ZNF276: variants seen among roughly 807,000 people sequenced by gnomAD.
ZNF276 encodes the protein zinc finger protein 276.
ZNF276 carries 59 observed loss-of-function variants against 63.9 expected under a neutral mutation model. That is an observed-to-expected ratio of 0.92 (90% confidence interval 0.75 to 1.15). ZNF276 has a LOEUF of 1.15. ZNF276 is among the 50% of genes most tolerant of loss of function. The probability of loss-of-function intolerance (pLI) is 0.00; values close to 1 mark genes in which losing one functional copy is unlikely to be tolerated. For synonymous variants in ZNF276, 496 were observed against 348.4 expected (o/e 1.42, Z -4.72); for missense variants, 1,084 against 843.8 (o/e 1.28, Z -3.53).
chr16:89,729,148 C>T, intron 5 of ZNF276, 87 bp from the exon 6 acceptor site: 1 of 1,026,678 alleles, frequency 9.7e-7, no homozygotes, highest in Non-Finnish European at 1.5e-6. Context: ...CATGGGGGTC[C>T]ATTTGGTATC....
upstream of ZNF276, chr16:89,720,531 G>C: frequency 8.6e-7 from 1 of 1,162,286 alleles, no homozygotes. Flanking sequence ...TGATGCACCG[G>C]CTCAGCGAGC....
chr16:89,733,361 G>T lies in ZNF276; in HGVS notation c.1229G>T (p.Arg410Leu). ...AAGAAGTCTGAAGAACCAAGAATTC[G>T]GAAGAAGCCGGGACCCAAGCCCGGA... The part of the protein sequence containing the change: ...EAKKSEEPRI[R>L]KKPGPKPGWK... The change falls in exon 7 of 11, where the codon CGG (arginine) becomes CTG (leucine). Residue 410 changes from arginine (R) to leucine (L), a missense_variant. By Grantham distance (102) the Arg-to-Leu change is moderately radical (BLOSUM62 -2). Transcript: ENST00000443381. 6.2e-7 allele frequency: 1 copy of T among 1,614,176 alleles called. No homozygotes were observed. The highest frequency in any genetic ancestry group is 8.5e-7 in the Non-Finnish European group (1 of 1,180,044).
Position 89,740,152 on chromosome 16 carries a change from G to A in ZNF276, c.*1906G>A, listed in dbSNP as rs2062092812. 5 of 1,400,918 alleles carry A rather than the reference G, an allele frequency of 3.6e-6. No homozygotes were observed. The highest frequency in any genetic ancestry group is 5.1e-6 in the Non-Finnish European group (5 of 986,810). 86.8% of individuals were successfully genotyped at this position (1,400,918 alleles called of 1,614,324 possible). ...GAATGGCCGACCTGGTGCTCCCATG[G>A]GTAGGAGGGTACAGCCCTCAGCACA... is the stretch of plus-strand genomic sequence containing the variant. On this transcript the variant is annotated 3_prime_UTR_variant, in exon 11 of 11. Coordinates refer to ENST00000443381, the MANE Select transcript of ZNF276 (RefSeq NM_001113525.2).
rs2151658897 is a variant in ZNF276 at position 89,722,658 on chromosome 16, C to T, written c.333C>T (p.Arg111=). ...ASMERPSAEE[R]VLVRDFQRLL... is the part of the protein sequence containing the mutation. ...TGGAGAGGCCATCCGCAGAGGAGCG[C>T]GTGCTCGTACGGGACTTCCAGCGCC... Residue 111 remains arginine, a synonymous_variant, in exon 2 of 11, where the codon CGC becomes CGT. Coordinates refer to ENST00000443381, the MANE Select transcript of ZNF276 (RefSeq NM_001113525.2). 4 of 1,612,286 alleles carry T rather than the reference C, an allele frequency of 2.5e-6. No homozygotes were observed. The highest frequency in any genetic ancestry group is 3.4e-6 in the Non-Finnish European group (4 of 1,180,024).
At chr16:89,727,624 G>C (rs979772657) in intron 5 of ZNF276, among the ~76,000 whole-genome samples, 1 of 152,158 alleles carries the variant, frequency 6.6e-6, no homozygotes, top group Non-Finnish European at 1.5e-5. Context: ...TCTTGTCTCT[G>C]ATTGATGGTT....
chr16:89,738,820 GC>G lies in ZNF276; in HGVS notation c.*577del. On this transcript the variant is annotated 3_prime_UTR_variant, in exon 11 of 11. Coordinates refer to ENST00000443381, the MANE Select transcript of ZNF276 (RefSeq NM_001113525.2). ...GTATTGCCAGCCAGGCAGGCACATGGCCCAGGCAGCTGTCAATTCTCATGTC... is the reference window on the plus strand; with the variant it reads ...GTATTGCCAGCCAGGCAGGCACATGGCCAGGCAGCTGTCAATTCTCATGTC... The G allele has an allele frequency of 6.2e-7, 1 of 1,614,042 alleles. No individual in the cohort carries two copies. The highest frequency in any genetic ancestry group is 8.5e-7 in the Non-Finnish European group (1 of 1,180,000).
Position 89,740,168 on chromosome 16 carries a change from C to A in ZNF276, c.*1922C>A. 1 of 1,226,458 alleles carries A rather than the reference C, an allele frequency of 8.2e-7. No homozygotes were observed. The highest frequency in any genetic ancestry group is 2.3e-5 in the East Asian group (1 of 43,050). 76.0% of individuals were successfully genotyped at this position (1,226,458 alleles called of 1,614,324 possible). On this transcript the variant is annotated 3_prime_UTR_variant, in exon 11 of 11. Transcript: ENST00000443381. ...GCTCCCATGGGTAGGAGGGTACAGCCCTCAGCACAGAAGAGGGCATTTCCT... is the reference window on the plus strand; with the variant it reads ...GCTCCCATGGGTAGGAGGGTACAGCACTCAGCACAGAAGAGGGCATTTCCT...
rs1428777578 is a variant in ZNF276 at position 89,733,529 on chromosome 16, C to T, written c.1328C>T (p.Ala443Val). ...AAGTGTCCTTACCAGGGCTGCACGG[C>T]CGTGTACCGAGGCGCTGACGGCATG... ...IYKCPYQGCT[A>V]VYRGADGMKK... The change falls in exon 8 of 11, where the codon GCC becomes GTC. Residue 443 changes from alanine (A) to valine (V), a missense_variant. Transcript: ENST00000443381. The T allele has an allele frequency of 1.1e-5, 18 of 1,614,016 alleles. No homozygotes were observed. The Admixed American group carries it at 2.7e-4, about 24-fold the overall frequency.
rs763016056 is a variant in ZNF276 at position 89,733,941 on chromosome 16, C to T, written c.1377C>T (p.His459=). 6 of 1,613,768 alleles carry T rather than the reference C, an allele frequency of 3.7e-6. No individual in the cohort carries two copies. Among genetic ancestry groups the T allele is most frequent in the African/African-American group, 1.3e-5 (1 of 74,916 alleles). ...DGMKKHIKEH[H]EEVRERPCPH... Reference sequence around the variant, plus strand: ...TTCAGAAGCACATCAAGGAGCACCACGAGGAGGTCCGGGAGCGGCCCTGCC... The same window carrying T: ...TTCAGAAGCACATCAAGGAGCACCATGAGGAGGTCCGGGAGCGGCCCTGCC... The change falls in exon 9 of 11, where the codon CAC becomes CAT. Residue 459 remains histidine, a synonymous_variant. Transcript: ENST00000443381.
In ZNF276 at chr16:89,738,924, T is replaced by A. The variant is rs752245802; in HGVS notation, c.*678T>A. 5.0e-6 allele frequency: 8 copies of A among 1,614,262 alleles called. No homozygotes were observed. The East Asian group carries it at 1.8e-4, about 36-fold the overall frequency. ...AGCTCTTTTTCGGGCACCGAGGTAT[T>A]AACTGCAGCAGAAAAAGACGAGCTT... is the stretch of plus-strand genomic sequence containing the variant. On this transcript the variant is annotated 3_prime_UTR_variant, in exon 11 of 11. Coordinates refer to ENST00000443381, the MANE Select transcript of ZNF276 (RefSeq NM_001113525.2).
Position 89,738,825 on chromosome 16 carries a change from G to C in ZNF276, c.*579G>C. 2 of 1,614,088 alleles carry C rather than the reference G, an allele frequency of 1.2e-6. No individual in the cohort carries two copies. Among genetic ancestry groups the C allele is most frequent in the Non-Finnish European group, 1.7e-6 (2 of 1,179,986 alleles). ...GCCAGCCAGGCAGGCACATGGCCCA[G>C]GCAGCTGTCAATTCTCATGTCCCCC... On this transcript the variant is annotated 3_prime_UTR_variant, in exon 11 of 11. Transcript: ENST00000443381.
At chr16:89,725,964 T>C (rs2061457537) in intron 4 of ZNF276, among the ~76,000 whole-genome samples, 2 of 152,100 alleles carry the variant, frequency 1.3e-5, no homozygotes, top group African/African-American at 2.4e-5. Context: ...CAGTAATATT[T>C]ATTTATTTAT....
In ZNF276 at chr16:89,738,846, C is replaced by G. The variant is rs757777876; in HGVS notation, c.*600C>G. 4 of 1,614,192 alleles carry G rather than the reference C, an allele frequency of 2.5e-6. No homozygotes were observed. The highest frequency in any genetic ancestry group is 3.4e-6 in the Non-Finnish European group (4 of 1,180,034). The stretch of plus-strand genomic sequence containing the variant: ...CCCAGGCAGCTGTCAATTCTCATGT[C>G]CCCCACATGGCCCAAGGTGGGCATC... On this transcript the variant is annotated 3_prime_UTR_variant, in exon 11 of 11. Transcript: ENST00000443381.
chr16:89,727,188 C>T, intron 4 of ZNF276, 91 bp from the exon 5 acceptor site: 1 of 1,330,438 alleles, frequency 7.5e-7, no homozygotes, highest in Non-Finnish European at 1.1e-6. Context: ...AGTCTCCCTT[C>T]TAGTCATCAA....
chr16:89,720,770 C>T (rs1481469458), upstream of ZNF276: 8 of 1,451,638 alleles, frequency 5.5e-6, no homozygotes, highest in East Asian at 3.1e-5. Context: ...CACCCGGGGC[C>T]GGTTGCCGGT....
chr16:89,723,786 T>C, intron 4 of ZNF276, 77 bp downstream of exon 4: 2 of 1,405,496 alleles, frequency 1.4e-6, no homozygotes, highest in East Asian at 4.9e-5. Context: ...AGAAAGTGAA[T>C]GTCTCCACTG....
In ZNF276 at chr16:89,740,210, T is replaced by C; in HGVS notation, c.*1964T>C. The C allele has an allele frequency of 5.5e-6, 5 of 906,738 alleles. No homozygotes were observed. The highest frequency in any genetic ancestry group is 9.3e-6 in the Non-Finnish European group (5 of 539,412). The allele number at this position is 906,738 out of a possible 1,614,324, so 56.2% of individuals were successfully genotyped here. A position where few individuals can be genotyped will look rare whatever the true frequency, so the allele number is the denominator to read the frequency against. ...GCATTTCCTCTTTGCTTATTGTAAG[T>C]CTTAAAACTGGTGACAGTTTTACCT... On this transcript the variant is annotated 3_prime_UTR_variant, in exon 11 of 11. Coordinates refer to ENST00000443381, the MANE Select transcript of ZNF276 (RefSeq NM_001113525.2).
chr16:89,722,451 C>T, intron 1 of ZNF276, 80 bp from the exon 2 acceptor site: 1 of 1,471,030 alleles, frequency 6.8e-7, no homozygotes, highest in East Asian at 2.3e-5. Context: ...CAGGCGCTGC[C>T]CTCGGACCTG....
Position 89,738,324 on chromosome 16 carries a change from C to CG in ZNF276, c.*79dup. 3 of 1,512,276 alleles carry CG rather than the reference C, an allele frequency of 2.0e-6. No individual in the cohort carries two copies. The highest frequency in any genetic ancestry group is 2.7e-6 in the Non-Finnish European group (3 of 1,130,946). 93.7% of individuals were successfully genotyped at this position (1,512,276 alleles called of 1,614,324 possible). A position where few individuals can be genotyped will look rare whatever the true frequency, so the allele number is the denominator to read the frequency against. ...GTCAGCCTCACCCTTCGTGTGCACC[C>CG]GCATGGGAGGGTCGGAGGGTGCTGC... is the stretch of plus-strand genomic sequence containing the variant. On this transcript the variant is annotated 3_prime_UTR_variant, in exon 11 of 11. Transcript: ENST00000443381.
Sources: gnomAD v4.1 joint callset for allele counts (sites outside exome capture counted in the v4.1 genomes callset) on GRCh38, gnomAD v4.1.1 for gene constraint, MANE v1.5 for transcripts, NCBI Gene and HGNC (gene_info 2026-07-23, HGNC 2026-07-21) for gene names.